BCL7B: variants seen among roughly 807,000 people sequenced by gnomAD.
The protein encoded by BCL7B is BAF chromatin remodeling complex subunit BCL7B.
BCL7B carries 11 observed loss-of-function variants against 26.5 expected under a neutral mutation model. The observed-to-expected ratio is 0.42, with a 90% CI of 0.26 to 0.69. BCL7B has a LOEUF of 0.69. Among genes scored for constraint, BCL7B ranks in the 30% least tolerant of loss-of-function variants. The pLI is 0.28. For missense variants in BCL7B, 215 were observed against 264.4 expected (o/e 0.81, Z 1.30); for synonymous variants, 111 against 107.9 (o/e 1.03, Z -0.18).
At chr7:73,542,064 T>G (rs56000212) in intron 3 of BCL7B, among the ~76,000 whole-genome samples, 1 of 152,252 alleles carries the variant, frequency 6.6e-6, no homozygotes, top group Non-Finnish European at 1.5e-5. Context: ...CCTCTCTTAC[T>G]CTCCTGTGAT....
chr7:73,557,419 G>C, intron 1 of BCL7B, 68 bp downstream of exon 1: 15 of 1,007,256 alleles, frequency 1.5e-5, no homozygotes, highest in East Asian at 6.1e-5. Context: ...CACCTGACCC[G>C]CCAGTCCCAC....
chr7:73,548,755 C>T (rs556251771), intron 2 of BCL7B, among the ~76,000 whole-genome samples: 2 of 151,946 alleles, frequency 1.3e-5, no homozygotes, highest in African/African-American at 2.4e-5. Context: ...ACATGGAGAA[C>T]CCTAGTCTCT....
intron 3 of BCL7B, among the ~76,000 whole-genome samples, chr7:73,542,243 C>T (rs1479095877): frequency 5.9e-5 from 9 of 152,184 alleles, no homozygotes; most frequent in African/African-American, 2.2e-4. Flanking sequence ...GAGATGGTGG[C>T]CAGACTGAGG....
At chr7:73,539,341 T>G (rs1791664295) in intron 4 of BCL7B, among the ~76,000 whole-genome samples, 1 of 152,018 alleles carries the variant, frequency 6.6e-6, no homozygotes, top group Non-Finnish European at 1.5e-5. Flanking sequence ...AACCTCTGCT[T>G]CTTGGGTTCA....
chr7:73,555,487 G>A (rs1554584627), intron 1 of BCL7B, among the ~76,000 whole-genome samples: 1 of 152,084 alleles, frequency 6.6e-6, no homozygotes, highest in Non-Finnish European at 1.5e-5. Context: ...ACTTGATCTA[G>A]ATTGGGAATC....
intron 1 of BCL7B, among the ~76,000 whole-genome samples, chr7:73,556,567 A>C (rs1181137526): frequency 6.6e-6 from 1 of 152,222 alleles, no homozygotes. Flanking sequence ...ACTCCGATAC[A>C]CACCGATATA....
intron 2 of BCL7B, among the ~76,000 whole-genome samples, chr7:73,545,337 C>T (rs1374880764): frequency 2.6e-5 from 4 of 152,190 alleles, no homozygotes; most frequent in East Asian, 1.9e-4. Context: ...CTCAGCCTCC[C>T]GAGTAGCTGG....
intron 2 of BCL7B, among the ~76,000 whole-genome samples, chr7:73,550,399 G>C (rs1467733904): frequency 2.6e-5 from 4 of 151,872 alleles, no homozygotes; most frequent in Admixed American, 6.6e-5. Context: ...AGAAAAATTA[G>C]CCAGGCGTGG....
At chr7:73,545,592 C>T (rs1791924480) in intron 2 of BCL7B, among the ~76,000 whole-genome samples, 1 of 152,124 alleles carries the variant, frequency 6.6e-6, no homozygotes. Flanking sequence ...AACTGCTTGA[C>T]CTTTGACCCC....
At chr7:73,557,166 GGCGGGCCCCGGGCTGGGCCGGGC>G (rs1554584803) in intron 1 of BCL7B, 1 of 1,016,556 alleles carries the variant, frequency 9.8e-7, no homozygotes, top group African/African-American at 1.7e-5. Context: ...AAGAGGGGAG[GGCGGGCCCCGGGCTGGGCCGGGC>G]GCGGGCACCG....
intron 3 of BCL7B, chr7:73,542,696 C>A (rs565288425): frequency 5.1e-6 from 1 of 194,472 alleles, no homozygotes; most frequent in African/African-American, 2.3e-5. Flanking sequence ...CGGTGATGAT[C>A]CGGCGGGATT....
intron 1 of BCL7B, chr7:73,557,278 C>A: frequency 2.6e-6 from 3 of 1,135,868 alleles, no homozygotes; most frequent in Non-Finnish European, 3.2e-6. Flanking sequence ...AGCAGGTGGG[C>A]GGGCCCGCGA....
At chr7:73,547,416 T>C (rs1435633229) in intron 2 of BCL7B, among the ~76,000 whole-genome samples, 1 of 152,114 alleles carries the variant, frequency 6.6e-6, no homozygotes, top group African/African-American at 2.4e-5. Context: ...TGAACCATCA[T>C]TGCACCACTG....
At position 73,539,929 on chromosome 7, in the gene BCL7B, CG is replaced by C; in HGVS notation, c.388del (p.Arg130AlafsTer40). On this transcript the variant is annotated frameshift_variant, in exon 4 of 6. Coordinates refer to ENST00000223368, the MANE Select transcript of BCL7B (RefSeq NM_001707.4). LOFTEE classifies it high-confidence loss of function. ...CGTTGGGGGCTGGGAGTCATCCGTG[CG>C]GAAGTCGGAGGTGTGTGCTGGGCTC... ...SLSPAHTSDF[R>X]TDDSQPPTLG... 1.2e-6 allele frequency: 2 copies of C among 1,613,934 alleles called. No homozygotes were observed. The highest frequency in any genetic ancestry group is 8.5e-7 in the Non-Finnish European group (1 of 1,180,006).
chr7:73,554,560 G>A (rs1159128075), intron 1 of BCL7B, among the ~76,000 whole-genome samples: 1 of 152,038 alleles, frequency 6.6e-6, no homozygotes, highest in African/African-American at 2.4e-5. Flanking sequence ...CACTTTAGAA[G>A]GCTGAGGTGG....
intron 2 of BCL7B, among the ~76,000 whole-genome samples, chr7:73,547,062 G>A (rs1554583557): frequency 1.3e-5 from 2 of 152,186 alleles, no homozygotes; most frequent in Admixed American, 6.6e-5. Context: ...TGAGGCAGAA[G>A]AATCACTTGA....
chr7:73,546,176 C>T (rs1310151268), intron 2 of BCL7B, among the ~76,000 whole-genome samples: 2 of 151,452 alleles, frequency 1.3e-5, no homozygotes, highest in African/African-American at 4.9e-5. Context: ...ATCAGGCTTC[C>T]GTCCTCCTCG....
intron 2 of BCL7B, among the ~76,000 whole-genome samples, chr7:73,550,651 T>G (rs1271868215): frequency 1.3e-5 from 2 of 151,972 alleles, no homozygotes; most frequent in South Asian, 2.1e-4. Context: ...TTTGTTTTTT[T>G]TTTGTTTGTT....
At chr7:73,537,900 AC>A in intron 5 of BCL7B, 33 bp downstream of exon 5, 1 of 1,530,468 alleles carries the variant, frequency 6.5e-7, no homozygotes, top group Non-Finnish European at 8.8e-7. Flanking sequence ...AACCAAAAAA[AC>A]AAAAAACTGG....
Sources: gnomAD v4.1 joint callset for allele counts (sites outside exome capture counted in the v4.1 genomes callset) on GRCh38, gnomAD v4.1.1 for gene constraint, MANE v1.5 for transcripts, NCBI Gene and HGNC (gene_info 2026-07-23, HGNC 2026-07-21) for gene names.